Variants in MINAR1 observed in about 807,000 individuals in gnomAD.
MINAR1 encodes the protein major intrinsically disordered Notch2-binding receptor 1.
In MINAR1, 40 loss-of-function variants were observed where a neutral mutation model predicts 65.1. The observed-to-expected ratio is 0.61, with a 90% confidence interval of 0.48 to 0.80. The LOEUF (loss-of-function observed/expected upper bound fraction) is 0.80, where lower values mean the gene tolerates loss of function less well. MINAR1 is among the 30% of genes least tolerant of loss of function. MINAR1 has a pLI of 0.00. For missense variants in MINAR1, 1,128 were observed against 1,148.0 expected (o/e 0.98, Z 0.25); for synonymous variants, 482 against 449.1 (o/e 1.07, Z -0.93).
At position 79,457,853 on chromosome 15, in the gene MINAR1, A is replaced by G. The variant is rs374647640; in HGVS notation, c.1706A>G (p.Asn569Ser). The change falls in exon 2 of 4, where the codon AAT (asparagine) becomes AGT (serine). Residue 569 changes from asparagine to serine, a missense_variant. Physicochemically the swap from Asn to Ser is conservative, Grantham distance 46 (BLOSUM62 1). Coordinates refer to ENST00000305428, the MANE Select transcript of MINAR1 (RefSeq NM_015206.3). ...GAGCACAACTTAACCAAAATTGCCA[A>G]TGGGGTCCCCAACAGCAAGGGAGAC... ...SPEHNLTKIA[N>S]GVPNSKGDKG... 8.5e-5 allele frequency: 138 copies of G among 1,614,094 alleles called. 1 individual carries two copies. The highest frequency in any genetic ancestry group is 5.8e-4 in the East Asian group (26 of 44,880).
At position 79,468,943 on chromosome 15, in the gene MINAR1, C is replaced by T. The variant is rs1274915440; in HGVS notation, c.*559C>T. 1 of 160,644 alleles carries T rather than the reference C, an allele frequency of 6.2e-6. No homozygotes were observed. The highest frequency in any genetic ancestry group is 2.4e-5 in the African/African-American group (1 of 41,466). 10.0% of individuals were successfully genotyped at this position (160,644 alleles called of 1,614,324 possible). On this transcript the variant is annotated 3_prime_UTR_variant, in exon 4 of 4. Transcript: ENST00000305428. ...TTCATTCTTGCCCTTTTGTCATCAACACGACAGAGTGTCTGCATCACTGCA... is the reference window on the plus strand; with the variant it reads ...TTCATTCTTGCCCTTTTGTCATCAATACGACAGAGTGTCTGCATCACTGCA...
chr15:79,437,670 G>GTAT (rs1894647830), intron 1 of MINAR1, among the ~76,000 whole-genome samples: 1 of 124,484 alleles, frequency 8.0e-6, no homozygotes, highest in Non-Finnish European at 1.7e-5. Flanking sequence ...GGTAGTGTGT[G>GTAT]GGGTGTGGGT....
chr15:79,467,176 A>AAAC (rs1168764159), intron 3 of MINAR1, among the ~76,000 whole-genome samples: 1 of 152,236 alleles, frequency 6.6e-6, no homozygotes, highest in Non-Finnish European at 1.5e-5. Flanking sequence ...GAGTTTTTTA[A>AAAC]AACTTTGAAA....
chr15:79,452,228 T>C (rs1895231410), intron 1 of MINAR1, among the ~76,000 whole-genome samples: 1 of 151,664 alleles, frequency 6.6e-6, no homozygotes. Flanking sequence ...AGAGTGTGTA[T>C]GAATGTGTTG....
In MINAR1 at chr15:79,433,788, C is replaced by T. The variant is rs2141273129; in HGVS notation, c.-51+1248C>T. Among the ~76,000 whole-genome samples, 4 of 152,322 alleles carry T rather than the reference C, an allele frequency of 2.6e-5. 1 individual carries two copies. In the South Asian group the frequency reaches 8.3e-4, roughly 32 times the overall value. ...AGACACCAGCATTACTGGGCCCGCC[C>T]TGCAGGTGGAAGCTAGCTCACTGCT... On this transcript the variant is annotated intron_variant, in intron 1 of 3. Transcript: ENST00000305428.
chr15:79,458,561 C>T, intron 2 of MINAR1, 116 bp downstream of exon 2: 1 of 1,291,430 alleles, frequency 7.7e-7, no homozygotes, highest in Non-Finnish European at 1.1e-6. Context: ...GTGTGCCAGT[C>T]ATCCTTCCAG....
intron 1 of MINAR1, among the ~76,000 whole-genome samples, chr15:79,439,598 C>T (rs1363656212): frequency 6.6e-6 from 1 of 151,666 alleles, no homozygotes; most frequent in African/African-American, 2.4e-5. Flanking sequence ...TGGCTGTGGG[C>T]TCCCACTGTT....
intron 1 of MINAR1, among the ~76,000 whole-genome samples, chr15:79,433,546 C>T (rs895185856): frequency 6.6e-6 from 1 of 152,170 alleles, no homozygotes; most frequent in Admixed American, 6.5e-5. Context: ...GGTGGTAGAA[C>T]CATGCCGCCA....
chr15:79,435,544 CAAT>C (rs2141274185), intron 1 of MINAR1, among the ~76,000 whole-genome samples: 1 of 152,332 alleles, frequency 6.6e-6, no homozygotes, highest in Non-Finnish European at 1.5e-5. Context: ...TAAACCCCTA[CAAT>C]GTCAGCTCTG....
chr15:79,439,889 T>C (rs1894821531), intron 1 of MINAR1, among the ~76,000 whole-genome samples: 1 of 152,002 alleles, frequency 6.6e-6, no homozygotes, highest in African/African-American at 2.4e-5. Flanking sequence ...TATTTAGTTT[T>C]CCATAACCTC....
intron 3 of MINAR1, chr15:79,463,629 T>C (rs909050068): frequency 1.7e-6 from 1 of 582,172 alleles, no homozygotes; most frequent in Non-Finnish European, 3.2e-6. Flanking sequence ...GATTCTAATA[T>C]TTGCTCACAA....
At chr15:79,441,423 A>G (rs998089136) in intron 1 of MINAR1, among the ~76,000 whole-genome samples, 1 of 152,216 alleles carries the variant, frequency 6.6e-6, no homozygotes, top group African/African-American at 2.4e-5. Context: ...ATTAATGGCT[A>G]CATGGTATTC....
intron 1 of MINAR1, among the ~76,000 whole-genome samples, chr15:79,441,406 A>T (rs1239882632): frequency 6.6e-6 from 1 of 152,224 alleles, no homozygotes; most frequent in African/African-American, 2.4e-5. Context: ...TTTCTGCACC[A>T]TGACTTATTA....
chr15:79,434,680 T>G (rs1193907264), intron 1 of MINAR1, among the ~76,000 whole-genome samples: 3 of 152,228 alleles, frequency 2.0e-5, no homozygotes, highest in African/African-American at 7.2e-5. Context: ...TGAATCCCAC[T>G]GATTAGCTTT....
At chr15:79,442,149 G>T (rs993966130) in intron 1 of MINAR1, among the ~76,000 whole-genome samples, 1 of 149,810 alleles carries the variant, frequency 6.7e-6, no homozygotes. Context: ...TTCAATTTTG[G>T]GATCTTGTGT....
chr15:79,443,310 C>T (rs1277614601), intron 1 of MINAR1, among the ~76,000 whole-genome samples: 1 of 152,152 alleles, frequency 6.6e-6, no homozygotes, highest in Non-Finnish European at 1.5e-5. Context: ...AGAATCTGTG[C>T]CTGGTCCCTT....
At position 79,458,081 on chromosome 15, in the gene MINAR1, A is replaced by T. The variant is rs1419602690; in HGVS notation, c.1934A>T (p.Asp645Val). 1 of 1,614,048 alleles carries T rather than the reference A, an allele frequency of 6.2e-7. No individual in the cohort carries two copies. Among genetic ancestry groups the T allele is most frequent in the Non-Finnish European group, 8.5e-7 (1 of 1,180,046 alleles). The change falls in exon 2 of 4, where the codon GAT (aspartate) becomes GTT (valine). Residue 645 changes from aspartate (D) to valine (V), a missense_variant. Asp to Val is a radical substitution (Grantham distance 152). Transcript: ENST00000305428. The part of the protein sequence containing the change: ...QQPEKVSVQI[D>V]LNSLTSEGPS... The stretch of plus-strand genomic sequence containing the variant: ...CCTGAGAAGGTGAGTGTGCAGATAG[A>T]TCTGAACTCCTTGACAAGCGAGGGT...
Position 79,457,788 on chromosome 15 carries a change from C to T in MINAR1, c.1641C>T (p.Ser547=). The T allele has an allele frequency of 6.2e-7, 1 of 1,614,166 alleles. No homozygotes were observed. The highest frequency in any genetic ancestry group is 1.1e-5 in the South Asian group (1 of 91,082). The change falls in exon 2 of 4, where the codon TCC becomes TCT. Residue 547 remains serine, a synonymous_variant. Transcript: ENST00000305428. ...CGTCCTGCTACAACAGCACAGGATC[C>T]TTGTCTCAGCTCCATAAGTCAGACT... is the stretch of plus-strand genomic sequence containing the variant. ...IQSSCYNSTG[S]LSQLHKSDCD...
chr15:79,451,922 A>G (rs917221114), intron 1 of MINAR1, among the ~76,000 whole-genome samples: 8 of 152,178 alleles, frequency 5.3e-5, no homozygotes, highest in Admixed American at 4.6e-4. Context: ...GGATGTTAAG[A>G]AAGTTTAAAC....
Sources: allele counts gnomAD v4.1 joint callset (sites outside exome capture counted in the v4.1 genomes callset), GRCh38; gene constraint gnomAD v4.1.1; transcripts MANE v1.5; gene names NCBI Gene and HGNC (gene_info 2026-07-23, HGNC 2026-07-21).